ANKRD44: variants seen among roughly 807,000 people sequenced by gnomAD.
ANKRD44 encodes the protein ankyrin repeat domain 44.
ANKRD44 carries 35 observed loss-of-function variants against 116.0 expected under a neutral mutation model. The observed-to-expected ratio is 0.30, with a 90% CI of 0.23 to 0.40. The LOEUF is 0.40. Ranked by LOEUF, ANKRD44 falls within the 10% of genes least tolerant of loss-of-function variation. The probability of loss-of-function intolerance (pLI) is 1.00; values close to 1 mark genes in which losing one functional copy is unlikely to be tolerated. For synonymous variants in ANKRD44, 435 were observed against 461.8 expected (o/e 0.94, Z 0.74); for missense variants, 1,014 against 1,242.6 (o/e 0.82, Z 2.77).
At chr2:197,256,487 A>G (rs903393725) in intron 1 of ANKRD44, among the ~76,000 whole-genome samples, 7 of 152,244 alleles carry the variant, frequency 4.6e-5, no homozygotes, top group Non-Finnish European at 1.0e-4. Context: ...AGTTATCTAC[A>G]TCAAAGTAAC....
At chr2:197,110,893 G>T in intron 8 of ANKRD44, 49 bp from the exon 9 acceptor site, 1 of 1,349,390 alleles carries the variant, frequency 7.4e-7, no homozygotes. Flanking sequence ...TCATGAGCCA[G>T]TGACACCCAT....
At chr2:197,263,841 C>A (rs2082673784) in intron 1 of ANKRD44, among the ~76,000 whole-genome samples, 1 of 152,146 alleles carries the variant, frequency 6.6e-6, no homozygotes, top group African/African-American at 2.4e-5. Flanking sequence ...CTTAGCTAGG[C>A]ACATGGCTGC....
At chr2:197,235,825 C>A (rs1001679449) in intron 1 of ANKRD44, among the ~76,000 whole-genome samples, 2 of 152,120 alleles carry the variant, frequency 1.3e-5, no homozygotes, top group Admixed American at 6.5e-5. Flanking sequence ...ATGGTGCAGA[C>A]AATAAGTGCT....
At position 197,254,933 on chromosome 2, in the gene ANKRD44, C is replaced by T. The variant is rs912976324; in HGVS notation, c.27+55645G>A. ...TTTTCCAAAATGCTCTCCTTCCATC[C>T]GTGAAACACATCTACAAATCAAGTT... On this transcript the variant is annotated intron_variant, in intron 1 of 27. Transcript: ENST00000282272. Among the ~76,000 whole-genome samples, 9 of 152,186 alleles carry T rather than the reference C, an allele frequency of 5.9e-5. No individual in the cohort carries two copies. The South Asian group carries it at 1.4e-3, about 25-fold the overall frequency.
rs951003202 is a variant in ANKRD44, at chr2:196,987,527, C to T, written c.*2064G>A. ...TCAACAGTACAAAGAATAACTAGTG[C>T]AGCAAATCCATTTGATGTTCTTGTT... On this transcript the variant is annotated 3_prime_UTR_variant, in exon 28 of 28. Coordinates refer to ENST00000282272, the MANE Select transcript of ANKRD44 (RefSeq NM_001195144.2). 1 of 985,404 alleles carries T rather than the reference C, an allele frequency of 1.0e-6. No individual in the cohort carries two copies. The highest frequency in any genetic ancestry group is 1.1e-4 in the East Asian group (1 of 8,822). The allele number at this position is 985,404 out of a possible 1,614,324, so 61.0% of individuals were successfully genotyped here.
intron 10 of ANKRD44, among the ~76,000 whole-genome samples, chr2:197,094,604 T>A (rs1559056812): frequency 6.6e-6 from 1 of 152,190 alleles, no homozygotes; most frequent in Non-Finnish European, 1.5e-5. Flanking sequence ...TCTAAATTCT[T>A]TATAATATTT....
chr2:197,214,801 T>C (rs1304285011), intron 1 of ANKRD44, among the ~76,000 whole-genome samples: 1 of 152,208 alleles, frequency 6.6e-6, no homozygotes, highest in Non-Finnish European at 1.5e-5. Context: ...AGGTCACATA[T>C]GCCTGTTCCC....
chr2:197,114,991 T>C (rs917767306), intron 8 of ANKRD44, among the ~76,000 whole-genome samples: 15 of 152,224 alleles, frequency 9.9e-5, no homozygotes, highest in African/African-American at 3.6e-4. Flanking sequence ...CACTGCCTAC[T>C]CTTGCCCATT....
chr2:197,255,418 A>G (rs1219229882), intron 1 of ANKRD44, among the ~76,000 whole-genome samples: 1 of 152,240 alleles, frequency 6.6e-6, no homozygotes, highest in Non-Finnish European at 1.5e-5. Context: ...ACCAAGAGAT[A>G]AATCACTTGC....
intron 16 of ANKRD44, among the ~76,000 whole-genome samples, chr2:197,057,056 G>A (rs960604337): frequency 5.3e-5 from 8 of 152,154 alleles, no homozygotes; most frequent in African/African-American, 1.9e-4. Flanking sequence ...AAGGAAGATG[G>A]CAGGCATATT....
At chr2:197,266,146 G>A (rs766908871) in intron 1 of ANKRD44, among the ~76,000 whole-genome samples, 4 of 152,022 alleles carry the variant, frequency 2.6e-5, no homozygotes, top group East Asian at 1.9e-4. Flanking sequence ...AGAGGTAGCC[G>A]CCTGGCCAGG....
chr2:197,112,134 TC>T, intron 8 of ANKRD44, among the ~76,000 whole-genome samples: 1 of 152,266 alleles, frequency 6.6e-6, no homozygotes, highest in African/African-American at 2.4e-5. Flanking sequence ...AATAAAAGTA[TC>T]CCCAATAGAG....
At chr2:197,259,657 C>T (rs886369568) in intron 1 of ANKRD44, among the ~76,000 whole-genome samples, 4 of 152,164 alleles carry the variant, frequency 2.6e-5, no homozygotes, top group Admixed American at 6.5e-5. Context: ...AAGCATATGC[C>T]GCAGACTCCA....
intron 1 of ANKRD44, among the ~76,000 whole-genome samples, chr2:197,240,328 T>A (rs182699053): frequency 7.3e-6 from 1 of 136,842 alleles, no homozygotes; most frequent in Admixed American, 8.0e-5. Flanking sequence ...TGAGCCAAGA[T>A]CGCACCACTG....
chr2:197,069,873 G>A lies in ANKRD44; in HGVS notation c.1650+8830C>T, dbSNP rs116660622. Among the ~76,000 whole-genome samples the A allele has an allele frequency of 5.9e-3, 887 of 150,586 alleles. 10 individuals carry two copies. Among genetic ancestry groups the A allele is most frequent in the African/African-American group, 0.02 (840 of 41,070 alleles). The stretch of plus-strand genomic sequence containing the variant: ...CATTATGTTGAGTCTTCTAATCCAC[G>A]CATACAGAATGTCTCTCCTTTTTTT... On this transcript the variant is annotated intron_variant, in intron 16 of 27. Coordinates refer to ENST00000282272, the MANE Select transcript of ANKRD44 (RefSeq NM_001195144.2).
In ANKRD44 at chr2:196,986,817, T is replaced by C. The variant is rs937994301; in HGVS notation, c.*2774A>G. 3.0e-6 allele frequency: 3 copies of C among 985,316 alleles called. No individual in the cohort carries two copies. Among genetic ancestry groups the C allele is most frequent in the Non-Finnish European group, 3.6e-6 (3 of 829,922 alleles). 61.0% of individuals were successfully genotyped at this position (985,316 alleles called of 1,614,324 possible). The stretch of plus-strand genomic sequence containing the variant: ...TGAGAAGATTCAGATTGTTTCAAAG[T>C]CATTCACTGAACTAAAAGTCATTTT... On this transcript the variant is annotated 3_prime_UTR_variant, in exon 28 of 28. Coordinates refer to ENST00000282272, the MANE Select transcript of ANKRD44 (RefSeq NM_001195144.2).
intron 16 of ANKRD44, 77 bp downstream of exon 16, chr2:197,078,626 A>G: frequency 5.1e-6 from 8 of 1,564,462 alleles, no homozygotes; most frequent in Non-Finnish European, 7.0e-6. Context: ...CAACTCTGGA[A>G]AAAAACAGTT....
chr2:197,209,270 C>A (rs1412278533), intron 1 of ANKRD44, among the ~76,000 whole-genome samples: 2 of 152,166 alleles, frequency 1.3e-5, no homozygotes, highest in Non-Finnish European at 2.9e-5. Flanking sequence ...AATATAAAAT[C>A]TATAGATAAT....
chr2:197,279,567 C>T lies in ANKRD44; in HGVS notation c.27+31011G>A, dbSNP rs190698912. Among the ~76,000 whole-genome samples, 119 of 152,290 alleles carry T rather than the reference C, an allele frequency of 7.8e-4. 1 individual carries two copies. The highest frequency in any genetic ancestry group is 2.6e-3 in the African/African-American group (109 of 41,568). Reference sequence around the variant, plus strand: ...TGCCCATACACACCCTCTGCTCCAGCCAAGCTGCTCGCTTCACTGTTCCTG... The same window carrying T: ...TGCCCATACACACCCTCTGCTCCAGTCAAGCTGCTCGCTTCACTGTTCCTG... On this transcript the variant is annotated intron_variant, in intron 1 of 27. Coordinates refer to ENST00000282272, the MANE Select transcript of ANKRD44 (RefSeq NM_001195144.2).
Sources: allele counts gnomAD v4.1 joint callset (sites outside exome capture counted in the v4.1 genomes callset), GRCh38; gene constraint gnomAD v4.1.1; transcripts MANE v1.5; gene names NCBI Gene and HGNC (gene_info 2026-07-23, HGNC 2026-07-21).